The following NRG3 variants were observed in gnomAD, a reference collection of about 807,000 sequenced individuals.
NRG3 encodes neuregulin 3, also known as pro-neuregulin-3, membrane-bound isoform.
Under a neutral mutation model 66.9 loss-of-function variants are expected in NRG3, and 31 were observed. The observed-to-expected ratio is 0.46, with a 90% CI of 0.35 to 0.63. The LOEUF (loss-of-function observed/expected upper bound fraction) is 0.63, where lower values mean the gene tolerates loss of function less well. Among genes scored for constraint, NRG3 ranks in the 20% least tolerant of loss-of-function variants. The pLI, the probability that NRG3 is intolerant of heterozygous loss-of-function variation, is 0.00. For synonymous variants in NRG3, 393 were observed against 359.4 expected, an observed-to-expected ratio of 1.09 and a Z score of -1.06; for missense variants, 910 against 878.9, an observed-to-expected ratio of 1.04 and a Z score of -0.45.
intron 2 of NRG3, among the ~76,000 whole-genome samples, chr10:82,440,029 T>C (rs1253909435): frequency 6.6e-6 from 1 of 152,086 alleles, no homozygotes; most frequent in East Asian, 1.9e-4. Flanking sequence ...ATAGGTATAA[T>C]CTCTTATATT....
Position 82,969,613 on chromosome 10 carries a change from G to A in NRG3, c.1285-4175G>A, listed in dbSNP as rs117275002. 4.7e-3 allele frequency among the ~76,000 whole-genome samples: 717 copies of A among 152,274 alleles called. 6 individuals carry two copies. The highest frequency in any genetic ancestry group is 7.2e-3 in the Non-Finnish European group (493 of 68,018). On this transcript the variant is annotated intron_variant, in intron 6 of 8. Coordinates refer to ENST00000372141, the MANE Select transcript of NRG3 (RefSeq NM_001010848.4). ...TCTGGTTCAAGACATGGTCATTACT[G>A]CCACTATGTGGCTTGTTTTGGAAGT...
chr10:81,901,131 A>G (rs1291147261), intron 1 of NRG3, among the ~76,000 whole-genome samples: 1 of 152,192 alleles, frequency 6.6e-6, no homozygotes, highest in East Asian at 1.9e-4. Flanking sequence ...GGGAAGGTAC[A>G]GTGTGGAATA....
intron 2 of NRG3, among the ~76,000 whole-genome samples, chr10:82,449,573 A>G (rs1265925048): frequency 6.6e-6 from 1 of 152,214 alleles, no homozygotes; most frequent in Non-Finnish European, 1.5e-5. Context: ...GAAGTCTATG[A>G]TGAGTCAATC....
At chr10:82,745,014 A>C (rs1379360034) in intron 3 of NRG3, among the ~76,000 whole-genome samples, 1 of 152,172 alleles carries the variant, frequency 6.6e-6, no homozygotes, top group Non-Finnish European at 1.5e-5. Flanking sequence ...CTGGCCTCGA[A>C]TATCTCCAGT....
At chr10:81,949,570 T>C (rs1380696258) in intron 1 of NRG3, among the ~76,000 whole-genome samples, 1 of 152,170 alleles carries the variant, frequency 6.6e-6, no homozygotes, top group African/African-American at 2.4e-5. Flanking sequence ...TTCAGAAGGC[T>C]AGTTGTATCT....
At chr10:82,056,513 A>G (rs1430989994) in intron 1 of NRG3, among the ~76,000 whole-genome samples, 2 of 152,138 alleles carry the variant, frequency 1.3e-5, no homozygotes, top group East Asian at 1.9e-4. Flanking sequence ...CAAAGAATGG[A>G]GAGGCTGAAG....
intron 1 of NRG3, among the ~76,000 whole-genome samples, chr10:82,170,918 T>A: frequency 6.6e-6 from 1 of 151,566 alleles, no homozygotes; most frequent in East Asian, 1.9e-4. Context: ...AAAATCTCTT[T>A]AATTTTAACA....
At chr10:82,220,271 A>C (rs2075878650) in intron 1 of NRG3, among the ~76,000 whole-genome samples, 1 of 151,980 alleles carries the variant, frequency 6.6e-6, no homozygotes, top group Admixed American at 6.6e-5. Context: ...ACAAATATAT[A>C]ATTAAGGCAC....
At chr10:82,142,700 A>T (rs920815276) in intron 1 of NRG3, among the ~76,000 whole-genome samples, 1 of 148,654 alleles carries the variant, frequency 6.7e-6, no homozygotes, top group African/African-American at 2.5e-5. Context: ...GAGCTGGGGG[A>T]TGTCCTAGTA....
rs540556525 is a variant in NRG3, at chr10:82,583,973, A to G, written c.954-154604A>G. Among the ~76,000 whole-genome samples the G allele has an allele frequency of 2.0e-5, 3 of 152,350 alleles. No individual in the cohort carries two copies. In the South Asian group the frequency reaches 6.2e-4, roughly 32 times the overall value. On this transcript the variant is annotated intron_variant, in intron 2 of 8. Transcript: ENST00000372141. Reference sequence around the variant, plus strand: ...CTTATTTATAACCCTTATTTATAAAATAAGGATTAAAACTGTCTCTCTCAA... The same window carrying G: ...CTTATTTATAACCCTTATTTATAAAGTAAGGATTAAAACTGTCTCTCTCAA...
At chr10:82,880,466 A>G (rs1842209871) in intron 4 of NRG3, among the ~76,000 whole-genome samples, 1 of 152,244 alleles carries the variant, frequency 6.6e-6, no homozygotes, top group Non-Finnish European at 1.5e-5. Flanking sequence ...GGCTGATGAA[A>G]GTAAAAGTAA....
chr10:82,753,497 T>C (rs1055611507), intron 3 of NRG3, among the ~76,000 whole-genome samples: 11 of 152,102 alleles, frequency 7.2e-5, no homozygotes, highest in South Asian at 2.1e-4. Flanking sequence ...TTCTTTTTCC[T>C]TTCTTTTTTT....
chr10:82,034,589 A>C (rs987309195), intron 1 of NRG3, among the ~76,000 whole-genome samples: 2 of 152,142 alleles, frequency 1.3e-5, no homozygotes, highest in African/African-American at 4.8e-5. Flanking sequence ...AGGGTAAGGC[A>C]GACAATGAAT....
intron 1 of NRG3, among the ~76,000 whole-genome samples, chr10:82,107,404 C>T (rs1331754170): frequency 2.0e-5 from 3 of 152,114 alleles, no homozygotes; most frequent in African/African-American, 4.8e-5. Context: ...TGATAAGGAC[C>T]ATGAAATCTG....
chr10:81,967,478 A>G (rs1432482070), intron 1 of NRG3, among the ~76,000 whole-genome samples: 7 of 151,994 alleles, frequency 4.6e-5, no homozygotes, highest in Admixed American at 4.6e-4. Flanking sequence ...TATGTGTTTG[A>G]AAAAAGTATG....
intron 2 of NRG3, among the ~76,000 whole-genome samples, chr10:82,618,886 C>T (rs979697726): frequency 6.6e-6 from 1 of 150,830 alleles, no homozygotes; most frequent in Non-Finnish European, 1.5e-5. Context: ...TGTAGCAGTG[C>T]AAAATTTTAA....
At chr10:82,031,933 T>G (rs1020657075) in intron 1 of NRG3, among the ~76,000 whole-genome samples, 3 of 151,998 alleles carry the variant, frequency 2.0e-5, no homozygotes, top group Non-Finnish European at 2.9e-5. Flanking sequence ...TCAATAATTT[T>G]TTCACCTCCA....
chr10:82,408,007 C>T (rs890968858), intron 2 of NRG3, among the ~76,000 whole-genome samples: 4 of 148,484 alleles, frequency 2.7e-5, no homozygotes, highest in African/African-American at 1.0e-4. Flanking sequence ...TAAGATCACA[C>T]CACTGCACTC....
intron 2 of NRG3, among the ~76,000 whole-genome samples, chr10:82,688,582 T>G (rs2134181297): frequency 6.6e-6 from 1 of 152,302 alleles, no homozygotes; most frequent in East Asian, 1.9e-4. Flanking sequence ...GGTCATTCAC[T>G]TAGAAAGGAT....
Sources: gnomAD v4.1 joint callset for allele counts (sites outside exome capture counted in the v4.1 genomes callset) on GRCh38, gnomAD v4.1.1 for gene constraint, MANE v1.5 for transcripts, NCBI Gene and HGNC (gene_info 2026-07-23, HGNC 2026-07-21) for gene names.